Variants in ATG16L1 observed in about 807,000 individuals in gnomAD.
ATG16L1 encodes the protein autophagy related 16 like 1.
ATG16L1 carries 37 observed loss-of-function variants against 88.5 expected under a neutral mutation model. The ratio of observed to expected loss-of-function variants is 0.42; its 90% CI spans 0.32 to 0.55. The LOEUF (loss-of-function observed/expected upper bound fraction) is 0.55. Among genes scored for constraint, ATG16L1 ranks in the 20% least tolerant of loss-of-function variants. ATG16L1 has a pLI of 0.13. For synonymous variants in ATG16L1, 301 were observed against 281.0 expected (o/e 1.07, Z -0.71); for missense variants, 554 against 752.8 (o/e 0.74, Z 3.09).
chr2:233,265,956 GGT>G, intron 5 of ATG16L1: 1 of 152,296 alleles, frequency 6.6e-6, no homozygotes, highest in South Asian at 2.1e-4. Context: ...GTCATCCCCT[GGT>G]CAAGGTCCAC....
At chr2:233,253,332 GTTTTTTTGTTTTTTT>G (rs1458100285) in intron 1 of ATG16L1, among the ~76,000 whole-genome samples, 7 of 112,890 alleles carry the variant, frequency 6.2e-5, no homozygotes, top group South Asian at 6.3e-4. Context: ...GTGAGACTGG[GTTTTTTTGTTTTTTT>G]TTTTTTTTTT....
intron 5 of ATG16L1, among the ~76,000 whole-genome samples, chr2:233,265,700 C>T (rs953593821): frequency 6.6e-6 from 1 of 152,110 alleles, no homozygotes; most frequent in Admixed American, 6.5e-5. Context: ...AAACTCCTGA[C>T]CTCAGGATCC....
intron 2 of ATG16L1, among the ~76,000 whole-genome samples, chr2:233,257,983 C>A (rs1408169027): frequency 2.9e-5 from 4 of 140,056 alleles, no homozygotes; most frequent in Non-Finnish European, 4.5e-5. Flanking sequence ...GCCTGGGTGA[C>A]AGAGCGAGAC....
chr2:233,286,217 A>G (rs2125284214), intron 12 of ATG16L1, among the ~76,000 whole-genome samples: 1 of 152,158 alleles, frequency 6.6e-6, no homozygotes, highest in East Asian at 1.9e-4. Flanking sequence ...TACCTGAATG[A>G]GCAATTTTGT....
chr2:233,277,258 T>G (rs917076726), intron 9 of ATG16L1: 6 of 200,632 alleles, frequency 3.0e-5, no homozygotes, highest in African/African-American at 4.6e-5. Context: ...TTTAAACTAT[T>G]AAGATAAATA....
At chr2:233,274,802 C>G (rs1045194450) in intron 9 of ATG16L1, 24 bp downstream of exon 9, 3 of 1,558,114 alleles carry the variant, frequency 1.9e-6, no homozygotes, top group Non-Finnish European at 2.7e-6. Flanking sequence ...AGCCCCGAAC[C>G]CTACCACGCT....
chr2:233,288,326 G>A (rs903491118), intron 12 of ATG16L1, among the ~76,000 whole-genome samples: 7 of 152,204 alleles, frequency 4.6e-5, no homozygotes, highest in Non-Finnish European at 1.0e-4. Flanking sequence ...GGGAACTAAG[G>A]TTTGGAGTGC....
chr2:233,278,564 A>G (rs553147539), intron 10 of ATG16L1, among the ~76,000 whole-genome samples: 1 of 152,350 alleles, frequency 6.6e-6, no homozygotes, highest in South Asian at 2.1e-4. Flanking sequence ...TAAAACTCAG[A>G]TACTACGTGA....
chr2:233,283,551 T>A (rs1049973256), intron 12 of ATG16L1, among the ~76,000 whole-genome samples: 2 of 151,666 alleles, frequency 1.3e-5, no homozygotes, highest in African/African-American at 4.9e-5. Flanking sequence ...TTAAGATGAA[T>A]TTTTTTTCTT....
At chr2:233,258,033 ATATC>A (rs1696937099) in intron 2 of ATG16L1, among the ~76,000 whole-genome samples, 1 of 150,986 alleles carries the variant, frequency 6.6e-6, no homozygotes, top group South Asian at 2.1e-4. Flanking sequence ...ATATATCTAT[ATATC>A]TATATATCTA....
intron 5 of ATG16L1, among the ~76,000 whole-genome samples, chr2:233,269,595 A>G (rs1163626677): frequency 6.6e-6 from 1 of 152,218 alleles, no homozygotes; most frequent in Non-Finnish European, 1.5e-5. Flanking sequence ...AATCTGAAAC[A>G]CTGGTAGTCC....
rs545059277 is a variant in ATG16L1 at position 233,285,724 on chromosome 2, T to C, written c.1203+2971T>C. On this transcript the variant is annotated intron_variant, in intron 12 of 17. Transcript: ENST00000392017. ...AAAATAGGCTCCTTATTCTAGGGAG[T>C]GCTGGCTTTTTTTTAGACCCCAGTT... Among the ~76,000 whole-genome samples, 3 of 152,046 alleles carry C rather than the reference T, an allele frequency of 2.0e-5. No homozygotes were observed. The East Asian group carries it at 5.8e-4, about 29-fold the overall frequency.
intron 2 of ATG16L1, among the ~76,000 whole-genome samples, chr2:233,256,909 C>A (rs1185838466): frequency 6.6e-6 from 1 of 152,018 alleles, no homozygotes; most frequent in Non-Finnish European, 1.5e-5. Flanking sequence ...ACCATGTTGG[C>A]CAGGCTGGTC....
intron 8 of ATG16L1, chr2:233,274,300 G>C (rs746456982): frequency 6.2e-6 from 3 of 483,288 alleles, no homozygotes; most frequent in Non-Finnish European, 1.1e-5. Flanking sequence ...TTCTAACTAG[G>C]CATAGAAATA....
chr2:233,264,669 G>C (rs1050468979), intron 4 of ATG16L1, among the ~76,000 whole-genome samples: 2 of 152,098 alleles, frequency 1.3e-5, no homozygotes, highest in African/African-American at 4.8e-5. Context: ...TCTAAGCATC[G>C]AAAGTTTCTC....
At chr2:233,291,652 T>C (rs1215148787) in intron 14 of ATG16L1, among the ~76,000 whole-genome samples, 1 of 152,164 alleles carries the variant, frequency 6.6e-6, no homozygotes, top group Non-Finnish European at 1.5e-5. Context: ...GGCTCTGCCC[T>C]GGCTTTCCTG....
At chr2:233,253,779 G>A (rs559776831) in intron 1 of ATG16L1, among the ~76,000 whole-genome samples, 1 of 152,194 alleles carries the variant, frequency 6.6e-6, no homozygotes, top group African/African-American at 2.4e-5. Flanking sequence ...AGGATGCTTT[G>A]CTGTTCTAGG....
intron 10 of ATG16L1, among the ~76,000 whole-genome samples, chr2:233,280,303 A>G (rs1004399275): frequency 6.6e-6 from 1 of 152,228 alleles, no homozygotes; most frequent in Non-Finnish European, 1.5e-5. Flanking sequence ...ATCTGTGTGG[A>G]TCATCCTTAA....
chr2:233,292,757 C>G (rs199610161), intron 16 of ATG16L1, among the ~76,000 whole-genome samples: 1 of 152,208 alleles, frequency 6.6e-6, no homozygotes, highest in East Asian at 1.9e-4. Context: ...GCAGGAGTGG[C>G]CGTGGGCCTG....
Sources: gnomAD v4.1 joint callset for allele counts (sites outside exome capture counted in the v4.1 genomes callset) on GRCh38, gnomAD v4.1.1 for gene constraint, MANE v1.5 for transcripts, NCBI Gene and HGNC (gene_info 2026-07-23, HGNC 2026-07-21) for gene names.